Variants in HAUS6 observed in about 807,000 individuals in gnomAD.
HAUS6 encodes the protein HAUS augmin like complex subunit 6, also known as HAUS augmin-like complex subunit 6.
HAUS6 carries 80 observed loss-of-function variants against 106.8 expected under a neutral mutation model. That is an observed-to-expected ratio of 0.75 (90% CI 0.63 to 0.90). The LOEUF (loss-of-function observed/expected upper bound fraction) is 0.90. Ranked by LOEUF, HAUS6 falls within the 40% of genes least tolerant of loss-of-function variation. The pLI, the probability that HAUS6 is intolerant of heterozygous loss-of-function variation, is 0.00. For missense variants in HAUS6, 1,155 were observed against 1,118.1 expected (o/e 1.03, Z -0.47); for synonymous variants, 356 against 379.1 (o/e 0.94, Z 0.71).
chr9:19,086,821 A>G, intron 6 of HAUS6, 39 bp from the exon 7 acceptor site: 2 of 839,452 alleles, frequency 2.4e-6, no homozygotes, highest in Non-Finnish European at 3.9e-6. Flanking sequence ...CATATTAAAA[A>G]TCACATGGTA....
chr9:19,082,453 T>C (rs1222929996), intron 8 of HAUS6, among the ~76,000 whole-genome samples: 2 of 152,092 alleles, frequency 1.3e-5, no homozygotes, highest in Non-Finnish European at 2.9e-5. Flanking sequence ...AACACACTCA[T>C]AGAAATAAAT....
At chr9:19,072,530 A>G (rs192320710) in intron 11 of HAUS6, among the ~76,000 whole-genome samples, 26 of 152,178 alleles carry the variant, frequency 1.7e-4, no homozygotes, top group Middle Eastern at 6.8e-3. Context: ...AAAATTAACT[A>G]CAAATGAATG....
chr9:19,069,336 T>C (rs980465976), intron 12 of HAUS6, among the ~76,000 whole-genome samples: 2 of 152,218 alleles, frequency 1.3e-5, no homozygotes, highest in African/African-American at 4.8e-5. Flanking sequence ...CCATGTATCA[T>C]AAATGTTGGA....
chr9:19,080,599 A>C lies in HAUS6; in HGVS notation c.944T>G (p.Leu315Trp). The C allele has an allele frequency of 3.1e-6, 5 of 1,598,760 alleles. No individual in the cohort carries two copies. The highest frequency in any genetic ancestry group is 4.3e-6 in the Non-Finnish European group (5 of 1,166,520). The change falls in exon 9 of 17, where the codon TTG becomes TGG. Residue 315 changes from leucine (L) to tryptophan (W), a missense_variant. Physicochemically the swap from Leu to Trp is moderately conservative, Grantham distance 61. Around this residue, in one of 3 missense-constraint regions of HAUS6, gnomAD observed 761 missense variants for 690.0 expected, o/e 1.10. Transcript: ENST00000380502. ...ACAACGTTCATATTTCATCACCTTC[A>C]AGACTTCATTTAATAACTGAATAAC... ...LTVIQLLNEVLKVMKYERCQA... is the reference protein window; with the variant it reads ...LTVIQLLNEVWKVMKYERCQA...
At chr9:19,078,846 A>T (rs1226315682) in intron 9 of HAUS6, among the ~76,000 whole-genome samples, 1 of 45,440 alleles carries the variant, frequency 2.2e-5, no homozygotes, top group Non-Finnish European at 4.2e-5. Flanking sequence ...AAATTAGTTT[A>T]AAAAAAAAAA....
Position 19,056,215 on chromosome 9 carries a change from T to G in HAUS6, c.*128A>C. The G allele has an allele frequency of 1.7e-6, 1 of 576,660 alleles. No homozygotes were observed. 35.7% of individuals were successfully genotyped at this position (576,660 alleles called of 1,614,324 possible). On this transcript the variant is annotated 3_prime_UTR_variant, in exon 17 of 17. Transcript: ENST00000380502. ...AATATTAAAGAAGGCTAAAAGGCAT[T>G]AGGAATTTTTTTAAACCTTGAAAAA...
At chr9:19,069,890 G>A (rs1361183890) in intron 12 of HAUS6, among the ~76,000 whole-genome samples, 2 of 152,176 alleles carry the variant, frequency 1.3e-5, no homozygotes, top group Non-Finnish European at 2.9e-5. Context: ...GAGGCCAAGA[G>A]TTAAAGACTA....
chr9:19,071,557 A>T (rs1329860511), intron 11 of HAUS6, among the ~76,000 whole-genome samples: 1 of 147,454 alleles, frequency 6.8e-6, no homozygotes, highest in East Asian at 2.0e-4. Context: ...TGCATAATAC[A>T]AAAGAAAAAT....
chr9:19,094,240 C>T, intron 3 of HAUS6, 77 bp downstream of exon 3: 1 of 785,736 alleles, frequency 1.3e-6, no homozygotes, highest in Non-Finnish European at 2.2e-6. Context: ...AAAAGGATTT[C>T]ACCTCTAAAA....
At chr9:19,079,076 A>G (rs1837075863) in intron 9 of HAUS6, among the ~76,000 whole-genome samples, 1 of 150,022 alleles carries the variant, frequency 6.7e-6, no homozygotes, top group Admixed American at 6.6e-5. Context: ...AGGCAGGAGA[A>G]TCACTTGAAA....
chr9:19,078,508 C>T (rs1837061367), intron 9 of HAUS6, among the ~76,000 whole-genome samples: 1 of 152,120 alleles, frequency 6.6e-6, no homozygotes, highest in South Asian at 2.1e-4. Context: ...ATAAAGAAGG[C>T]CGGGGGCAGT....
chr9:19,086,914 C>T, intron 6 of HAUS6, 132 bp from the exon 7 acceptor site: 5 of 618,522 alleles, frequency 8.1e-6, no homozygotes, highest in South Asian at 2.1e-5. Flanking sequence ...AATCTGAAAG[C>T]GATAATAATT....
rs1027150988 is a variant in HAUS6 at position 19,087,016 on chromosome 9, G to C, written c.650+75C>G. 1.9e-5 allele frequency: 14 copies of C among 755,954 alleles called. 1 individual carries two copies. The highest frequency in any genetic ancestry group is 6.1e-5 in the Admixed American group (3 of 49,118). 46.8% of individuals were successfully genotyped at this position (755,954 alleles called of 1,614,324 possible). A position where few individuals can be genotyped will look rare whatever the true frequency, so the allele number is the denominator to read the frequency against. ...ATTATTTTAATTAATGTTTGTGGGA[G>C]TCTGTTTCCTAGCCTGTAAAATGCA... On this transcript the variant is annotated intron_variant, in intron 6 of 16. Coordinates refer to ENST00000380502, the MANE Select transcript of HAUS6 (RefSeq NM_017645.5).
rs377346369 is a variant in HAUS6, at chr9:19,078,185, A to G, written c.1182T>C (p.Gly394=). ...AGTCAACATTACTTACTGGAGTCCA[A>G]CCTTTAATTAGACTGAAAGGAGACA... is the stretch of plus-strand genomic sequence containing the variant. ...LGLSPFSLIK[G]WTPSVDLLPP... The change falls in exon 10 of 17, where the codon GGT becomes GGC. Residue 394 remains glycine (G), a synonymous_variant. Transcript: ENST00000380502. The G allele has an allele frequency of 1.2e-4, 188 of 1,607,262 alleles. No individual in the cohort carries two copies. Among genetic ancestry groups the G allele is most frequent in the Middle Eastern group, 2.2e-4 (1 of 4,448 alleles).
chr9:19,096,849 T>C (rs1185268217), intron 1 of HAUS6, 80 bp from the exon 2 acceptor site: 1 of 621,886 alleles, frequency 1.6e-6, no homozygotes, highest in Non-Finnish European at 2.8e-6. Flanking sequence ...AGTAAGACTT[T>C]GACACAAATT....
rs186429271 is a variant in HAUS6, at chr9:19,056,484, A to G, written c.2807-80T>C. ...TAGATTCCAAGCAATAGCAAATTTT[A>G]GTCAATACAAAAAAGGTTCATAGCT... On this transcript the variant is annotated intron_variant, in intron 16 of 16. Coordinates refer to ENST00000380502, the MANE Select transcript of HAUS6 (RefSeq NM_017645.5). 781 of 784,954 alleles carry G rather than the reference A, an allele frequency of 9.9e-4. 1 individual carries two copies. Among genetic ancestry groups the G allele is most frequent in the Non-Finnish European group, 1.6e-3 (701 of 446,218 alleles). 48.6% of individuals were successfully genotyped at this position (784,954 alleles called of 1,614,324 possible).
At chr9:19,083,753 G>C (rs1837217716) in intron 7 of HAUS6, among the ~76,000 whole-genome samples, 1 of 148,824 alleles carries the variant, frequency 6.7e-6, no homozygotes, top group African/African-American at 2.5e-5. Context: ...AGTAAGCCAA[G>C]ATCGCGCCAC....
At chr9:19,067,246 C>CA (rs1367982806) in intron 12 of HAUS6, among the ~76,000 whole-genome samples, 1 of 151,908 alleles carries the variant, frequency 6.6e-6, no homozygotes, top group African/African-American at 2.4e-5. Context: ...GAACTACATG[C>CA]AAAAAAGGTA....
chr9:19,099,140 AT>A (rs1299973976), intron 1 of HAUS6, among the ~76,000 whole-genome samples: 1 of 151,454 alleles, frequency 6.6e-6, no homozygotes, highest in Non-Finnish European at 1.5e-5. Context: ...TGAATAAAAA[AT>A]AATGGGGTTT....
Sources: gnomAD v4.1 joint callset for allele counts (sites outside exome capture counted in the v4.1 genomes callset) on GRCh38, gnomAD v4.1.1 for gene constraint, gnomAD v4.1.1 regional missense constraint, MANE v1.5 for transcripts, NCBI Gene and HGNC (gene_info 2026-07-23, HGNC 2026-07-21) for gene names.